Variants in MYLK observed in about 807,000 individuals in gnomAD.
The protein encoded by MYLK is myosin light chain kinase, smooth muscle.
Under a neutral mutation model 203.4 loss-of-function variants are expected in MYLK, and 106 were observed. The ratio of observed to expected loss-of-function variants is 0.52; its 90% confidence interval spans 0.45 to 0.61. MYLK has a LOEUF of 0.61. MYLK is among the 20% of genes least tolerant of loss of function. The pLI, the probability that MYLK is intolerant of heterozygous loss-of-function variation, is 0.00. For synonymous variants in MYLK, 867 were observed against 959.5 expected (o/e 0.90, Z 1.78); for missense variants, 2,072 against 2,442.3 (o/e 0.85, Z 3.20).
At chr3:123,774,855 G>A (rs1012966848) in intron 4 of MYLK, among the ~76,000 whole-genome samples, 3 of 152,072 alleles carry the variant, frequency 2.0e-5, no homozygotes, top group African/African-American at 2.4e-5. Context: ...ATAGAGCATA[G>A]GGTCTTGTTC....
rs1023157243 is a variant in MYLK at position 123,638,076 on chromosome 3, G to A, written c.4956C>T (p.Tyr1652=). 1.9e-6 allele frequency: 3 copies of A among 1,614,110 alleles called. No homozygotes were observed. Among genetic ancestry groups the A allele is most frequent in the Non-Finnish European group, 2.5e-6 (3 of 1,180,028 alleles). ...TDMWSIGVIC[Y]ILVSGLSPFM... is the part of the protein sequence containing the mutation. The stretch of plus-strand genomic sequence containing the variant: ...CCAAGTGCCCCAGGACTCACAGGAT[G>A]TAGCAGATGACCCCGATGCTCCACA... The change falls in exon 29 of 34, where the codon TAC becomes TAT. Residue 1652 remains tyrosine (Y), a synonymous_variant. Coordinates refer to ENST00000360304, the MANE Select transcript of MYLK (RefSeq NM_053025.4).
At chr3:123,798,220 C>T (rs1401081178) in intron 3 of MYLK, among the ~76,000 whole-genome samples, 1 of 152,176 alleles carries the variant, frequency 6.6e-6, no homozygotes, top group Non-Finnish European at 1.5e-5. Flanking sequence ...TAAGGTCACA[C>T]AGCTAAAAAG....
intron 3 of MYLK, among the ~76,000 whole-genome samples, chr3:123,827,479 C>A (rs1044802925): frequency 6.6e-6 from 1 of 151,018 alleles, no homozygotes; most frequent in Non-Finnish European, 1.5e-5. Context: ...ATCTTACAGG[C>A]CAGGAAAGAA....
chr3:123,769,371 A>G (rs1318527845), intron 4 of MYLK, among the ~76,000 whole-genome samples: 2 of 152,240 alleles, frequency 1.3e-5, no homozygotes, highest in Non-Finnish European at 2.9e-5. Flanking sequence ...TATGCCAGTA[A>G]CACGGGTTAT....
intron 2 of MYLK, among the ~76,000 whole-genome samples, chr3:123,871,106 G>A (rs909323390): frequency 3.3e-5 from 5 of 152,096 alleles, no homozygotes; most frequent in Admixed American, 2.0e-4. Context: ...AGGGCTCCCT[G>A]CTGGTAAGGC....
chr3:123,762,027 C>T (rs1234386608), intron 4 of MYLK, among the ~76,000 whole-genome samples: 1 of 152,032 alleles, frequency 6.6e-6, no homozygotes, highest in Non-Finnish European at 1.5e-5. Context: ...AACTCCGCCT[C>T]AAAAAATATA....
intron 4 of MYLK, among the ~76,000 whole-genome samples, chr3:123,781,416 C>T (rs1229730236): frequency 6.6e-6 from 1 of 152,172 alleles, no homozygotes; most frequent in Admixed American, 6.5e-5. Flanking sequence ...CTGGAGGGTG[C>T]TGTGCTCTTA....
At chr3:123,661,149 C>T (rs2059548473) in intron 23 of MYLK, among the ~76,000 whole-genome samples, 1 of 152,136 alleles carries the variant, frequency 6.6e-6, no homozygotes, top group African/African-American at 2.4e-5. Context: ...GAAACTAAAC[C>T]ATAAAAGGCC....
chr3:123,799,893 T>TCAC (rs1434184300), intron 3 of MYLK: 1 of 152,310 alleles, frequency 6.6e-6, no homozygotes, highest in Non-Finnish European at 1.5e-5. Flanking sequence ...CAGCCACACT[T>TCAC]CACCACCACC....
chr3:123,706,046 T>C (rs1026357245), intron 16 of MYLK, among the ~76,000 whole-genome samples: 3 of 152,140 alleles, frequency 2.0e-5, no homozygotes, highest in Non-Finnish European at 4.4e-5. Flanking sequence ...AGGCAGTTGA[T>C]GCATTCTGAG....
intron 23 of MYLK, 22 bp from the exon 24 acceptor site, chr3:123,657,450 A>T (rs2059423803): frequency 1.2e-6 from 2 of 1,611,678 alleles, no homozygotes; most frequent in South Asian, 1.1e-5. Flanking sequence ...GAAGCACAAC[A>T]TCACCCACAC....
At chr3:123,734,254 G>GGGGGT in intron 9 of MYLK, 32 bp from the exon 10 acceptor site, 2 of 1,066,864 alleles carry the variant, frequency 1.9e-6, no homozygotes, top group Non-Finnish European at 2.6e-6. Context: ...GGTAGGGTGG[G>GGGGGT]TGAGGAGAGG....
rs557649500 is a variant in MYLK at position 123,720,778 on chromosome 3, C to T, written c.1804+1350G>A. Among the ~76,000 whole-genome samples the T allele has an allele frequency of 2.4e-4, 36 of 152,288 alleles. 1 individual carries two copies. In the South Asian group the frequency reaches 6.6e-3, roughly 28 times the overall value. Reference sequence around the variant, plus strand: ...TGGACCAGTTTCTCGTGCTCACTCCCGGCAGAGAGCTTCACAGAGCCAGCG... The same window carrying T: ...TGGACCAGTTTCTCGTGCTCACTCCTGGCAGAGAGCTTCACAGAGCCAGCG... On this transcript the variant is annotated intron_variant, in intron 13 of 33. Transcript: ENST00000360304.
chr3:123,625,697 A>G (rs1269451068), intron 31 of MYLK, among the ~76,000 whole-genome samples: 1 of 149,178 alleles, frequency 6.7e-6, no homozygotes, highest in Non-Finnish European at 1.5e-5. Flanking sequence ...AATCCCAGCT[A>G]CTTGGGAGGC....
In MYLK at chr3:123,701,051, G is replaced by A; in HGVS notation, c.2463-46C>T. The A allele has an allele frequency of 2.5e-6, 4 of 1,596,094 alleles. No individual in the cohort carries two copies. In the South Asian group the frequency reaches 3.3e-5, roughly 13 times the overall value. ...AAGGAAAGTAGCAGGAGGAAAAGGG[G>A]CTGGGTAAGAAAGAAACTTCAGGGG... On this transcript the variant is annotated intron_variant, in intron 17 of 33. Coordinates refer to ENST00000360304, the MANE Select transcript of MYLK (RefSeq NM_053025.4).
intron 2 of MYLK, among the ~76,000 whole-genome samples, chr3:123,866,751 C>T (rs554041052): frequency 6.6e-5 from 10 of 152,278 alleles, no homozygotes; most frequent in African/African-American, 2.4e-4. Flanking sequence ...AGACAGACCT[C>T]AGGACAACCC....
At chr3:123,806,809 C>T (rs750406952) in intron 3 of MYLK, among the ~76,000 whole-genome samples, 73 of 151,888 alleles carry the variant, frequency 4.8e-4, no homozygotes, top group Non-Finnish European at 9.6e-4. Context: ...ATTACAGGTG[C>T]GCATCACTAC....
chr3:123,635,062 C>G (rs2058587965), intron 29 of MYLK, among the ~76,000 whole-genome samples: 1 of 152,222 alleles, frequency 6.6e-6, no homozygotes. Flanking sequence ...TCACATCGTC[C>G]TATGGTGACA....
intron 2 of MYLK, among the ~76,000 whole-genome samples, chr3:123,860,835 A>G (rs944506689): frequency 2.0e-5 from 3 of 152,114 alleles, no homozygotes. Flanking sequence ...TTAGGTAAAA[A>G]CTGGTTAGAC....
Sources: allele counts gnomAD v4.1 joint callset (sites outside exome capture counted in the v4.1 genomes callset), GRCh38; gene constraint gnomAD v4.1.1; transcripts MANE v1.5; gene names NCBI Gene and HGNC (gene_info 2026-07-23, HGNC 2026-07-21).